MACC1: variants seen among roughly 807,000 people sequenced by gnomAD.
The protein encoded by MACC1 is metastasis-associated in colon cancer protein 1.
In MACC1, 79 loss-of-function variants were observed where a neutral mutation model predicts 70.7. The ratio of observed to expected loss-of-function variants is 1.12; its 90% CI spans 0.93 to 1.35. The LOEUF is 1.35. MACC1 is among the 40% of genes most tolerant of loss of function. The pLI, the probability that MACC1 is intolerant of heterozygous loss-of-function variation, is 0.00. For missense variants in MACC1, 1,106 were observed against 978.1 expected, an observed-to-expected ratio of 1.13 and a Z score of -1.74; for synonymous variants, 361 against 347.2, an observed-to-expected ratio of 1.04 and a Z score of -0.44.
chr7:20,155,417 A>G (rs1401683713), intron 5 of MACC1, among the ~76,000 whole-genome samples: 1 of 152,240 alleles, frequency 6.6e-6, no homozygotes, highest in Non-Finnish European at 1.5e-5. Flanking sequence ...GTAATAAAAT[A>G]TAACGATCAT....
chr7:20,190,721 C>T (rs999212200), intron 1 of MACC1, among the ~76,000 whole-genome samples: 1 of 152,124 alleles, frequency 6.6e-6, no homozygotes, highest in African/African-American at 2.4e-5. Flanking sequence ...TTCCTAATAA[C>T]AGCCCACTTT....
chr7:20,167,578 A>G (rs1782239340), intron 2 of MACC1, among the ~76,000 whole-genome samples: 1 of 151,382 alleles, frequency 6.6e-6, no homozygotes, highest in Non-Finnish European at 1.5e-5. Flanking sequence ...TAAGTAGCAA[A>G]CCAGTCTTTG....
At chr7:20,185,297 G>A (rs1431409307) in intron 1 of MACC1, among the ~76,000 whole-genome samples, 1 of 152,066 alleles carries the variant, frequency 6.6e-6, no homozygotes, top group African/African-American at 2.4e-5. Context: ...ATTTATTCTT[G>A]CAAAATCTAT....
chr7:20,144,036 G>T (rs568514355), intron 6 of MACC1, among the ~76,000 whole-genome samples: 1 of 152,156 alleles, frequency 6.6e-6, no homozygotes, highest in South Asian at 2.1e-4. Context: ...TATTCCTTTG[G>T]TGCAAAAATT....
chr7:20,157,468 A>G (rs547534185), intron 5 of MACC1, among the ~76,000 whole-genome samples: 1 of 151,870 alleles, frequency 6.6e-6, no homozygotes, highest in African/African-American at 2.4e-5. Context: ...TTAAATTGCT[A>G]AAGGATATTG....
In MACC1 at chr7:20,140,842, C is replaced by CACACACACACAG; in HGVS notation, c.*92_*103dup. 1 of 648,676 alleles carries CACACACACACAG rather than the reference C, an allele frequency of 1.5e-6. No homozygotes were observed. The highest frequency in any genetic ancestry group is 2.5e-6 in the Non-Finnish European group (1 of 398,472). 40.2% of individuals were successfully genotyped at this position (648,676 alleles called of 1,614,324 possible). On this transcript the variant is annotated 3_prime_UTR_variant, in exon 7 of 7. Transcript: ENST00000400331. ...ACACACACAGACACACACACACAGA[C>CACACACACACAG]ACACACACACAGACACACAGAGACA...
At chr7:20,149,274 CT>C (rs1432190972) in intron 6 of MACC1, among the ~76,000 whole-genome samples, 2 of 152,008 alleles carry the variant, frequency 1.3e-5, no homozygotes, top group African/African-American at 2.4e-5. Flanking sequence ...AGTCACATTA[CT>C]AAAAAAACAG....
chr7:20,172,188 G>A (rs10254222), intron 1 of MACC1, among the ~76,000 whole-genome samples: 13,866 of 152,196 alleles, frequency 0.091, 805 homozygotes, highest in Admixed American at 0.15. Context: ...CAACTTAACA[G>A]CAGGAATAAA....
At chr7:20,200,475 C>T (rs79773889) in intron 1 of MACC1, among the ~76,000 whole-genome samples, 3,111 of 152,240 alleles carry the variant, frequency 0.02, 45 homozygotes, top group Non-Finnish European at 0.032. Flanking sequence ...AACGACAAAT[C>T]CTGGAAGAGA....
intron 1 of MACC1, among the ~76,000 whole-genome samples, chr7:20,179,343 A>G (rs1782464371): frequency 6.6e-6 from 1 of 152,146 alleles, no homozygotes; most frequent in African/African-American, 2.4e-5. Context: ...GCTGTGTTAG[A>G]TATATTACTC....
At chr7:20,170,043 T>G (rs887349431) in intron 2 of MACC1, among the ~76,000 whole-genome samples, 1 of 152,176 alleles carries the variant, frequency 6.6e-6, no homozygotes, top group African/African-American at 2.4e-5. Flanking sequence ...TTCTTCACCC[T>G]TCATAGAAAA....
At chr7:20,189,926 G>A (rs1782648381) in intron 1 of MACC1, among the ~76,000 whole-genome samples, 4 of 152,166 alleles carry the variant, frequency 2.6e-5, no homozygotes, top group Non-Finnish European at 5.9e-5. Context: ...TCAGGTGGGT[G>A]AGGTTCTTGG....
Position 20,150,779 on chromosome 7 carries a change from G to A in MACC1, c.2346+3414C>T, listed in dbSNP as rs138124472. Among the ~76,000 whole-genome samples, 963 of 152,290 alleles carry A rather than the reference G, an allele frequency of 6.3e-3. 14 individuals are homozygous for A. The highest frequency in any genetic ancestry group is 0.021 in the African/African-American group (858 of 41,556). On this transcript the variant is annotated intron_variant, in intron 6 of 6. Transcript: ENST00000400331. Reference sequence around the variant, plus strand: ...GAAAGGAAGTGAGGCCAGAGTGGTGGCTCACACCTGTAATGCCAGCAATTT... The same window carrying A: ...GAAAGGAAGTGAGGCCAGAGTGGTGACTCACACCTGTAATGCCAGCAATTT...
In MACC1 at chr7:20,140,960, A is replaced by C. The variant is rs1781791194; in HGVS notation, c.2545T>G (p.Ser849Ala). 6.2e-7 allele frequency: 1 copy of C among 1,612,508 alleles called. No individual in the cohort carries two copies. The highest frequency in any genetic ancestry group is 8.5e-7 in the Non-Finnish European group (1 of 1,179,024). The change falls in exon 7 of 7, where the codon TCT becomes GCT. Residue 849 changes from serine (S) to alanine (A), a missense_variant. Coordinates refer to ENST00000400331, the MANE Select transcript of MACC1 (RefSeq NM_182762.4). ...EVLRVTAFST[S>A]EEV Reference sequence around the variant, plus strand: ...ACGCTTTGTTTCTATACTTCCTCAGAAGTGGAGAATGCAGTTACTCTCAAA... The same window carrying C: ...ACGCTTTGTTTCTATACTTCCTCAGCAGTGGAGAATGCAGTTACTCTCAAA...
At chr7:20,207,505 G>A (rs1023025151) in intron 1 of MACC1, among the ~76,000 whole-genome samples, 32 of 152,082 alleles carry the variant, frequency 2.1e-4, no homozygotes, top group African/African-American at 6.3e-4. Context: ...ATGGTGAAAC[G>A]CTTTTATATG....
At chr7:20,215,078 G>GTTTA (rs10604824) in intron 1 of MACC1, among the ~76,000 whole-genome samples, 13,371 of 147,242 alleles carry the variant, frequency 0.091, 637 homozygotes, top group South Asian at 0.11. Context: ...TACATCTCAA[G>GTTTA]TTTATTTATT....
chr7:20,138,347 T>G lies in MACC1; in HGVS notation c.*2599A>C, dbSNP rs1242599828. 1 of 152,036 alleles carries G rather than the reference T, an allele frequency of 6.6e-6. No individual in the cohort carries two copies. Among genetic ancestry groups the G allele is most frequent in the East Asian group, 1.9e-4 (1 of 5,184 alleles). The allele number at this position is 152,036 out of a possible 1,614,324, so 9.4% of individuals were successfully genotyped here. On this transcript the variant is annotated 3_prime_UTR_variant, in exon 7 of 7. Coordinates refer to ENST00000400331, the MANE Select transcript of MACC1 (RefSeq NM_182762.4). ...TACATGATGCAATGTAAACCTTAAA[T>G]TATTTATTTAATCTTACTACACTAA...
chr7:20,158,168 G>T (rs566753264), intron 5 of MACC1, 36 bp downstream of exon 5: 1 of 1,523,286 alleles, frequency 6.6e-7, no homozygotes, highest in African/African-American at 1.4e-5. Flanking sequence ...TACAATTCTC[G>T]ATGGCAATTC....
chr7:20,198,373 G>C (rs1310999537), intron 1 of MACC1, among the ~76,000 whole-genome samples: 1 of 152,188 alleles, frequency 6.6e-6, no homozygotes, highest in Non-Finnish European at 1.5e-5. Context: ...ATCATAGAGG[G>C]ATAAAGAGCC....
Sources: allele counts gnomAD v4.1 joint callset (sites outside exome capture counted in the v4.1 genomes callset), GRCh38; gene constraint gnomAD v4.1.1; transcripts MANE v1.5; gene names NCBI Gene and HGNC (gene_info 2026-07-23, HGNC 2026-07-21).